ZC2HC1A: variants seen among roughly 807,000 people sequenced by gnomAD.
The protein encoded by ZC2HC1A is zinc finger C2HC domain-containing protein 1A.
In ZC2HC1A, 28 loss-of-function variants were observed where a neutral mutation model predicts 40.7. The observed-to-expected ratio is 0.69, with a 90% CI of 0.51 to 0.94. The LOEUF is 0.94. ZC2HC1A is among the 40% of genes least tolerant of loss of function. The pLI, the probability that ZC2HC1A is intolerant of heterozygous loss-of-function variation, is 0.00. For synonymous variants in ZC2HC1A, 129 were observed against 129.2 expected (o/e 1.00, Z 0.01); for missense variants, 389 against 386.3 (o/e 1.01, Z -0.06).
rs781253947 is a variant in ZC2HC1A at position 78,686,543 on chromosome 8, G to T, written c.287G>T (p.Gly96Val). 9 of 1,548,128 alleles carry T rather than the reference G, an allele frequency of 5.8e-6. No homozygotes were observed. The Admixed American group carries it at 1.6e-4, about 28-fold the overall frequency. ...ATTGCTACCATAAGAGCAGCTAAAG[G>T]CCTTGATCAGGCCCTCAAAGAGGGT... Reference protein sequence around the residue: ...EFIATIRAAKGLDQALKEGGK... With the variant: ...EFIATIRAAKVLDQALKEGGK... The change falls in exon 4 of 9, where the codon GGC becomes GTC. Residue 96 changes from glycine to valine, a missense_variant. Physicochemically the swap from Gly to Val is moderately radical, Grantham distance 109 (BLOSUM62 -3). Transcript: ENST00000263849.
intron 7 of ZC2HC1A, among the ~76,000 whole-genome samples, chr8:78,702,280 G>T (rs78531484): frequency 0.037 from 5,622 of 152,152 alleles, 316 homozygotes; most frequent in African/African-American, 0.13. Context: ...AATATTCTGT[G>T]ATGACTTGTA....
At chr8:78,707,909 G>T (rs1156384686) in intron 7 of ZC2HC1A, among the ~76,000 whole-genome samples, 1 of 141,684 alleles carries the variant, frequency 7.1e-6, no homozygotes, top group African/African-American at 2.6e-5. Flanking sequence ...TTGCTAGATT[G>T]TAAGCTCCAT....
rs887429590 is a variant in ZC2HC1A, at chr8:78,718,790, A to G, written c.*1297A>G. 6.6e-6 allele frequency: 1 copy of G among 151,842 alleles called. No individual in the cohort carries two copies. Among genetic ancestry groups the G allele is most frequent in the African/African-American group, 2.4e-5 (1 of 41,438 alleles). The allele number at this position is 151,842 out of a possible 1,614,324, so 9.4% of individuals were successfully genotyped here. On this transcript the variant is annotated 3_prime_UTR_variant, in exon 9 of 9. Coordinates refer to ENST00000263849, the MANE Select transcript of ZC2HC1A (RefSeq NM_016010.3). ...ATTGCCTTGATGGCAGTAATTCTGT[A>G]GTAATTTCTATTCAATCAAACCTAA... is the stretch of plus-strand genomic sequence containing the variant.
At chr8:78,688,883 T>C (rs1030113361) in intron 4 of ZC2HC1A, among the ~76,000 whole-genome samples, 2 of 152,134 alleles carry the variant, frequency 1.3e-5, no homozygotes, top group African/African-American at 2.4e-5. Context: ...ATATAAAGTA[T>C]GTATCCATTA....
At chr8:78,702,700 G>T (rs772499890) in intron 7 of ZC2HC1A, among the ~76,000 whole-genome samples, 3 of 151,982 alleles carry the variant, frequency 2.0e-5, no homozygotes, top group Non-Finnish European at 4.4e-5. Context: ...CGATTTCTGC[G>T]TTAATTTCAT....
chr8:78,699,267 T>C (rs1163048170), intron 7 of ZC2HC1A, among the ~76,000 whole-genome samples: 1 of 152,136 alleles, frequency 6.6e-6, no homozygotes, highest in Non-Finnish European at 1.5e-5. Context: ...AATTAAACTT[T>C]CAATAGTTAT....
At chr8:78,691,467 T>C (rs1212742669) in intron 5 of ZC2HC1A, among the ~76,000 whole-genome samples, 1 of 152,126 alleles carries the variant, frequency 6.6e-6, no homozygotes, top group Non-Finnish European at 1.5e-5. Context: ...CTATTCCTTA[T>C]ATATGTGTTT....
chr8:78,686,128 T>C (rs1585992942), intron 3 of ZC2HC1A, among the ~76,000 whole-genome samples: 1 of 152,302 alleles, frequency 6.6e-6, no homozygotes, highest in East Asian at 1.9e-4. Context: ...CCCCACCTCG[T>C]ACTACTGTTA....
At chr8:78,675,925 G>T in intron 2 of ZC2HC1A, 62 bp downstream of exon 2, 1 of 1,435,542 alleles carries the variant, frequency 7.0e-7, no homozygotes, top group Non-Finnish European at 9.7e-7. Context: ...AATAATTCTG[G>T]TCAATTCTCA....
rs1811166899 is a variant in ZC2HC1A, at chr8:78,718,279, G to T, written c.*786G>T. On this transcript the variant is annotated 3_prime_UTR_variant, in exon 9 of 9. Coordinates refer to ENST00000263849, the MANE Select transcript of ZC2HC1A (RefSeq NM_016010.3). ...TCTTTTTCCATAACCCGTGAAGATA[G>T]TTTTAATTTGCTAGTTCATTTTTTG... The T allele has an allele frequency of 6.6e-6, 1 of 151,794 alleles. No homozygotes were observed. The highest frequency in any genetic ancestry group is 1.5e-5 in the Non-Finnish European group (1 of 67,852). 9.4% of individuals were successfully genotyped at this position (151,794 alleles called of 1,614,324 possible).
chr8:78,698,775 A>G (rs184881836), intron 7 of ZC2HC1A, among the ~76,000 whole-genome samples: 1 of 152,310 alleles, frequency 6.6e-6, no homozygotes, highest in East Asian at 1.9e-4. Context: ...GTCTAAGGAA[A>G]TAATTTGAAA....
chr8:78,717,435 A>C lies in ZC2HC1A; in HGVS notation c.920A>C (p.Tyr307Ser). 1 of 1,612,050 alleles carries C rather than the reference A, an allele frequency of 6.2e-7. No individual in the cohort carries two copies. The highest frequency in any genetic ancestry group is 8.5e-7 in the Non-Finnish European group (1 of 1,179,386). ...TTCTGCCATGAGTGTGGGACTAAAT[A>C]CCCTGTAGAATGGGCCAAATTTTGC... ...PKFCHECGTK[Y>S]PVEWAKFCCE... Residue 307 changes from tyrosine to serine, a missense_variant, in exon 9 of 9, where the codon TAC (tyrosine) becomes TCC (serine). Physicochemically the swap from Tyr to Ser is moderately radical, Grantham distance 144. Transcript: ENST00000263849.
intron 1 of ZC2HC1A, among the ~76,000 whole-genome samples, chr8:78,667,983 T>C (rs551735961): frequency 6.6e-6 from 1 of 151,824 alleles, no homozygotes; most frequent in African/African-American, 2.4e-5. Flanking sequence ...CAAAATAAGA[T>C]GCTATCATTA....
At chr8:78,669,277 C>G (rs150584071) in intron 1 of ZC2HC1A, among the ~76,000 whole-genome samples, 1 of 150,564 alleles carries the variant, frequency 6.6e-6, no homozygotes, top group Non-Finnish European at 1.5e-5. Context: ...GGGCAGTTTA[C>G]TTAATCTGAA....
At chr8:78,717,243 A>T in intron 8 of ZC2HC1A, 85 bp from the exon 9 acceptor site, 1 of 1,248,638 alleles carries the variant, frequency 8.0e-7, no homozygotes, top group South Asian at 2.0e-5. Context: ...GCTAATTGTT[A>T]TATTTATGTC....
At chr8:78,686,144 G>A (rs1447654414) in intron 3 of ZC2HC1A, among the ~76,000 whole-genome samples, 2 of 152,066 alleles carry the variant, frequency 1.3e-5, no homozygotes, top group African/African-American at 4.8e-5. Context: ...TGTTATAATG[G>A]CAATTACATT....
rs1229054678 is a variant in ZC2HC1A, at chr8:78,715,295, A to G, written c.779A>G (p.Lys260Arg). Reference sequence around the variant, plus strand: ...CCTGCCCCAGGTGTGCTTACAAACAAAAGAAAAACATATACTGAGAGCTAC... The same window carrying G: ...CCTGCCCCAGGTGTGCTTACAAACAGAAGAAAAACATATACTGAGAGCTAC... ...RNPAPGVLTN[K>R]RKTYTESYIA... The change falls in exon 8 of 9, where the codon AAA becomes AGA. Residue 260 changes from lysine to arginine, a missense_variant. By Grantham distance (26) the Lys-to-Arg change is conservative. Coordinates refer to ENST00000263849, the MANE Select transcript of ZC2HC1A (RefSeq NM_016010.3). 3.1e-6 allele frequency: 5 copies of G among 1,613,922 alleles called. No individual in the cohort carries two copies. The highest frequency in any genetic ancestry group is 4.2e-6 in the Non-Finnish European group (5 of 1,179,902).
At position 78,683,547 on chromosome 8, in the gene ZC2HC1A, A is replaced by AG. The variant is rs768571061; in HGVS notation, c.211-2914dup. Reference sequence around the variant, plus strand: ...ACCAAATCCCTACGCTGCACACAGTAGGGGGGCCCTGGACCTGGCCTAGGA... The same window carrying AG: ...ACCAAATCCCTACGCTGCACACAGTAGGGGGGGCCCTGGACCTGGCCTAGGA... On this transcript the variant is annotated intron_variant, in intron 3 of 8. Coordinates refer to ENST00000263849, the MANE Select transcript of ZC2HC1A (RefSeq NM_016010.3). 9.9e-5 allele frequency among the ~76,000 whole-genome samples: 15 copies of AG among 152,206 alleles called. No individual in the cohort carries two copies. The East Asian group carries it at 2.5e-3, about 26-fold the overall frequency.
intron 7 of ZC2HC1A, among the ~76,000 whole-genome samples, chr8:78,711,521 A>C (rs1450880849): frequency 6.6e-6 from 1 of 152,070 alleles, no homozygotes; most frequent in African/African-American, 2.4e-5. Flanking sequence ...GTGGAGTTAG[A>C]AAGTCAAATG....
Sources: gnomAD v4.1 joint callset for allele counts (sites outside exome capture counted in the v4.1 genomes callset) on GRCh38, gnomAD v4.1.1 for gene constraint, MANE v1.5 for transcripts, NCBI Gene and HGNC (gene_info 2026-07-23, HGNC 2026-07-21) for gene names.